The following TRAM1 variants were observed in gnomAD, a reference collection of about 807,000 sequenced individuals.
The protein encoded by TRAM1 is translocation associated membrane protein 1.
In TRAM1, 17 loss-of-function variants were observed where a neutral mutation model predicts 48.7. That is an observed-to-expected ratio of 0.35 (90% CI 0.24 to 0.52). The LOEUF (loss-of-function observed/expected upper bound fraction) is 0.52. TRAM1 is among the 20% of genes least tolerant of loss of function. The pLI is 0.94. For synonymous variants in TRAM1, 182 were observed against 154.0 expected, an observed-to-expected ratio of 1.18 and a Z score of -1.34; for missense variants, 351 against 441.5, an observed-to-expected ratio of 0.79 and a Z score of 1.84.
intron 10 of TRAM1, among the ~76,000 whole-genome samples, chr8:70,578,040 A>G (rs1816997380): frequency 6.6e-6 from 1 of 152,184 alleles, no homozygotes; most frequent in African/African-American, 2.4e-5. Context: ...CGTCTGGCTC[A>G]TGCTTGACAG....
chr8:70,574,793 A>C lies in TRAM1; in HGVS notation c.*139T>G. Reference sequence around the variant, plus strand: ...TAATCCTCCCCTCAAATGCCCTTTAAAAAAATGCATGAAACCGTACAATAG... The same window carrying C: ...TAATCCTCCCCTCAAATGCCCTTTACAAAAATGCATGAAACCGTACAATAG... On this transcript the variant is annotated 3_prime_UTR_variant, in exon 11 of 11. Coordinates refer to ENST00000262213, the MANE Select transcript of TRAM1 (RefSeq NM_014294.6). 1.5e-6 allele frequency: 1 copy of C among 655,076 alleles called. No homozygotes were observed. 40.6% of individuals were successfully genotyped at this position (655,076 alleles called of 1,614,324 possible). A position where few individuals can be genotyped will look rare whatever the true frequency, so the allele number is the denominator to read the frequency against.
At position 70,587,177 on chromosome 8, in the gene TRAM1, C is replaced by T. The variant is rs1487334712; in HGVS notation, c.571-1G>A. The T allele has an allele frequency of 6.2e-7, 1 of 1,612,882 alleles. No individual in the cohort carries two copies. On this transcript the variant is annotated splice_acceptor_variant, in intron 6 of 10. Transcript: ENST00000262213. LOFTEE classifies it high-confidence loss of function. ...AGACAAGCTGACGAGGAATATCTTC[C>T]TGTAAAAAAATACATTATAGATTAA...
At chr8:70,587,529 CA>C (rs2132032149) in intron 6 of TRAM1, 1 of 183,284 alleles carries the variant, frequency 5.5e-6, no homozygotes, top group African/African-American at 2.4e-5. Flanking sequence ...AGATTTGCTT[CA>C]ATCAGATAAA....
chr8:70,590,713 T>C (rs928386469), intron 6 of TRAM1, among the ~76,000 whole-genome samples: 13 of 152,230 alleles, frequency 8.5e-5, no homozygotes, highest in African/African-American at 2.9e-4. Context: ...GAGGGTAAAA[T>C]GCCATCACTA....
At chr8:70,581,238 G>A (rs1817067264) in intron 10 of TRAM1, among the ~76,000 whole-genome samples, 1 of 152,104 alleles carries the variant, frequency 6.6e-6, no homozygotes, top group Non-Finnish European at 1.5e-5. Flanking sequence ...AAACTCATAT[G>A]GAAATGTAAG....
intron 1 of TRAM1, among the ~76,000 whole-genome samples, chr8:70,603,538 G>A (rs1235421553): frequency 6.6e-6 from 1 of 152,140 alleles, no homozygotes; most frequent in Non-Finnish European, 1.5e-5. Context: ...CCAACATGGT[G>A]AAACCTCATC....
intron 6 of TRAM1, among the ~76,000 whole-genome samples, chr8:70,588,984 T>C (rs192664915): frequency 3.9e-4 from 59 of 152,354 alleles, no homozygotes; most frequent in South Asian, 3.1e-3. Flanking sequence ...TTTAGCACAG[T>C]TGAGTGCAGG....
At chr8:70,575,278 G>A (rs1816922162) in intron 10 of TRAM1, among the ~76,000 whole-genome samples, 1 of 152,198 alleles carries the variant, frequency 6.6e-6, no homozygotes, top group Non-Finnish European at 1.5e-5. Flanking sequence ...TAGTATTCAA[G>A]AGAAATACCT....
intron 1 of TRAM1, among the ~76,000 whole-genome samples, chr8:70,603,723 A>G (rs1158117270): frequency 6.6e-6 from 1 of 152,202 alleles, no homozygotes; most frequent in Non-Finnish European, 1.5e-5. Context: ...TCTCAAAAAG[A>G]GTCCTTTACA....
At chr8:70,587,687 T>C (rs1563384215) in intron 6 of TRAM1, 1 of 152,522 alleles carries the variant, frequency 6.6e-6, no homozygotes, top group African/African-American at 2.4e-5. Flanking sequence ...GACACTTCTG[T>C]TTACCTAAAA....
intron 1 of TRAM1, among the ~76,000 whole-genome samples, chr8:70,600,598 T>G (rs746993624): frequency 3.9e-5 from 6 of 152,008 alleles, no homozygotes; most frequent in Non-Finnish European, 8.8e-5. Flanking sequence ...AGCAGAAAAA[T>G]GGAATGCTTA....
intron 10 of TRAM1, among the ~76,000 whole-genome samples, chr8:70,578,022 C>A (rs1816996942): frequency 6.6e-6 from 1 of 152,252 alleles, no homozygotes; most frequent in Admixed American, 6.5e-5. Flanking sequence ...ACACCCCCTG[C>A]TGCTCCACGT....
chr8:70,593,071 G>C (rs1004517194), intron 6 of TRAM1, among the ~76,000 whole-genome samples: 4 of 151,810 alleles, frequency 2.6e-5, no homozygotes, highest in African/African-American at 4.8e-5. Flanking sequence ...CTAAATCAAG[G>C]GTTTAAAAAT....
intron 1 of TRAM1, 142 bp from the exon 2 acceptor site, chr8:70,600,224 T>C (rs574950214): frequency 5.9e-5 from 37 of 625,626 alleles, no homozygotes; most frequent in East Asian, 4.2e-4. Context: ...ACAGACACAA[T>C]GGAAATTACT....
At chr8:70,606,114 T>C (rs944756320) in intron 1 of TRAM1, among the ~76,000 whole-genome samples, 1 of 152,218 alleles carries the variant, frequency 6.6e-6, no homozygotes, top group Non-Finnish European at 1.5e-5. Context: ...ATATACTACA[T>C]ATATTAAAGT....
Position 70,598,236 on chromosome 8 carries a change from T to C in TRAM1, c.207A>G (p.Ser69=), listed in dbSNP as rs1351198743. 2 of 1,609,962 alleles carry C rather than the reference T, an allele frequency of 1.2e-6. No homozygotes were observed. Among genetic ancestry groups the C allele is most frequent in the Non-Finnish European group, 1.7e-6 (2 of 1,178,214 alleles). The change falls in exon 3 of 11, where the codon TCA becomes TCG. Residue 69 remains serine, a synonymous_variant. Coordinates refer to ENST00000262213, the MANE Select transcript of TRAM1 (RefSeq NM_014294.6). ...LPATEEQATE[S]VSLYYYGIKD... ...TGATGCCATAGTAATAAAGGGACAC[T>C]GATTCAGTAGCTTGTTCTTCTGAAG... is the stretch of plus-strand genomic sequence containing the variant.
In TRAM1 at chr8:70,586,935, A is replaced by C. The variant is rs144237425; in HGVS notation, c.706T>G (p.Ser236Ala). ...TCATTGCTAAAATAAAACAGGCGGG[A>C]AATGTGGAAAAGAAATTCAACAAAA... ...HYFVEFLFHI[S>A]RLFYFSNEKY... Residue 236 changes from serine to alanine, a missense_variant, in exon 8 of 11, where the codon TCC becomes GCC. Physicochemically the swap from Ser to Ala is moderately conservative, Grantham distance 99 (BLOSUM62 1). Coordinates refer to ENST00000262213, the MANE Select transcript of TRAM1 (RefSeq NM_014294.6). The C allele has an allele frequency of 4.1e-4, 663 of 1,613,776 alleles. 1 individual carries two copies. The highest frequency in any genetic ancestry group is 5.3e-4 in the Non-Finnish European group (629 of 1,179,904).
chr8:70,576,440 GA>G (rs1327067358), intron 10 of TRAM1, among the ~76,000 whole-genome samples: 13 of 152,246 alleles, frequency 8.5e-5, no homozygotes, highest in African/African-American at 3.1e-4. Context: ...GTGTTAACAG[GA>G]TAACGAAAGT....
Position 70,573,861 on chromosome 8 carries a change from T to C in TRAM1, c.*1071A>G, listed in dbSNP as rs1816877720. On this transcript the variant is annotated 3_prime_UTR_variant, in exon 11 of 11. Coordinates refer to ENST00000262213, the MANE Select transcript of TRAM1 (RefSeq NM_014294.6). ...GAGCCTTTCTGTAGAGATACAAATA[T>C]ATATATATATATTTATCCAAAAATA... 6.6e-6 allele frequency: 1 copy of C among 152,312 alleles called. No homozygotes were observed. The highest frequency in any genetic ancestry group is 2.4e-5 in the African/African-American group (1 of 41,400). The allele number at this position is 152,312 out of a possible 1,614,324, so 9.4% of individuals were successfully genotyped here. A position where few individuals can be genotyped will look rare whatever the true frequency, so the allele number is the denominator to read the frequency against.
Sources: allele counts gnomAD v4.1 joint callset (sites outside exome capture counted in the v4.1 genomes callset), GRCh38; gene constraint gnomAD v4.1.1; transcripts MANE v1.5; gene names NCBI Gene and HGNC (gene_info 2026-07-23, HGNC 2026-07-21).